The following CCSER1 variants were observed in gnomAD, a reference collection of about 807,000 sequenced individuals.
CCSER1 encodes the protein coiled-coil serine rich protein 1.
A neutral mutation model predicts 82.0 loss-of-function variants in CCSER1; 41 were observed. The ratio of observed to expected loss-of-function variants is 0.50; its 90% CI spans 0.39 to 0.65. The LOEUF (loss-of-function observed/expected upper bound fraction) is 0.65. CCSER1 is among the 30% of genes least tolerant of loss of function. The pLI, the probability that CCSER1 is intolerant of heterozygous loss-of-function variation, is 0.00. For missense variants in CCSER1, 1,119 were observed against 1,064.2 expected (o/e 1.05, Z -0.72); for synonymous variants, 414 against 383.9 (o/e 1.08, Z -0.92).
At chr4:91,538,698 C>CATATATTATATATATATAATATAT in intron 10 of CCSER1, among the ~76,000 whole-genome samples, 3 of 138,340 alleles carry the variant, frequency 2.2e-5, no homozygotes, top group African/African-American at 8.3e-5. Context: ...TATATATACA[C>CATATATTATATATATATAATATAT]ATATATATAT....
At chr4:91,034,537 T>A (rs1351421283) in intron 9 of CCSER1, among the ~76,000 whole-genome samples, 1 of 111,182 alleles carries the variant, frequency 9.0e-6, no homozygotes, top group Non-Finnish European at 2.1e-5. Flanking sequence ...ACTAAAAATT[T>A]CATACACCCC....
chr4:90,695,054 T>TA (rs1560959754), intron 6 of CCSER1, among the ~76,000 whole-genome samples: 21 of 141,910 alleles, frequency 1.5e-4, no homozygotes, highest in African/African-American at 5.1e-4. Context: ...GTATATATAT[T>TA]TATTTATATT....
chr4:90,611,028 C>T (rs529173444), intron 5 of CCSER1, among the ~76,000 whole-genome samples: 2 of 149,814 alleles, frequency 1.3e-5, no homozygotes, highest in South Asian at 4.2e-4. Context: ...CAGGCGCCCG[C>T]CACCATGCCT....
At chr4:91,343,852 T>G (rs1747881225) in intron 10 of CCSER1, among the ~76,000 whole-genome samples, 1 of 152,184 alleles carries the variant, frequency 6.6e-6, no homozygotes. Flanking sequence ...TAGCAAGTGG[T>G]ACTGGTTTTC....
chr4:90,623,235 C>T (rs143518926), intron 5 of CCSER1, among the ~76,000 whole-genome samples: 22 of 151,828 alleles, frequency 1.4e-4, no homozygotes, highest in African/African-American at 5.3e-4. Flanking sequence ...AGGGTTTCAG[C>T]GTGTTAACCT....
chr4:90,396,976 T>A (rs972787158), intron 3 of CCSER1, among the ~76,000 whole-genome samples: 1 of 148,254 alleles, frequency 6.7e-6, no homozygotes, highest in African/African-American at 2.6e-5. Context: ...CTGTTGCTGC[T>A]ATTGGTGTCT....
At chr4:90,702,517 C>A (rs554665689) in intron 6 of CCSER1, among the ~76,000 whole-genome samples, 2 of 152,154 alleles carry the variant, frequency 1.3e-5, no homozygotes, top group Non-Finnish European at 2.9e-5. Context: ...CCCTCCTTTT[C>A]TATTGATTGG....
In CCSER1 at chr4:91,468,759, A is replaced by G. The variant is rs1757092681; in HGVS notation, c.2218-129813A>G. Among the ~76,000 whole-genome samples, 4 of 151,972 alleles carry G rather than the reference A, an allele frequency of 2.6e-5. No individual in the cohort carries two copies. In the South Asian group the frequency reaches 6.2e-4, roughly 24 times the overall value. On this transcript the variant is annotated intron_variant, in intron 10 of 10. Coordinates refer to ENST00000509176, the MANE Select transcript of CCSER1 (RefSeq NM_001145065.2). ...TGATCCTATAACTGAAAAAGAATTA[A>G]TCAGTTTACTTGGGAGAGGTGCAAT...
chr4:90,617,172 T>C (rs1157825565), intron 5 of CCSER1, among the ~76,000 whole-genome samples: 3 of 152,164 alleles, frequency 2.0e-5, no homozygotes, highest in Non-Finnish European at 4.4e-5. Context: ...TAAAACAACG[T>C]AGTACGATTA....
intron 3 of CCSER1, among the ~76,000 whole-genome samples, chr4:90,325,414 T>G (rs549803363): frequency 6.6e-6 from 1 of 152,324 alleles, no homozygotes; most frequent in Non-Finnish European, 1.5e-5. Context: ...CCCTTTAAAA[T>G]TAAGAAGTTA....
chr4:90,682,077 G>A (rs897513493), intron 6 of CCSER1, among the ~76,000 whole-genome samples: 4 of 151,714 alleles, frequency 2.6e-5, no homozygotes, highest in Admixed American at 6.6e-5. Flanking sequence ...CAAGTGTGAA[G>A]CAAGCTTTCT....
intron 8 of CCSER1, among the ~76,000 whole-genome samples, chr4:90,902,700 G>C (rs1724836765): frequency 6.6e-6 from 1 of 152,038 alleles, no homozygotes. Flanking sequence ...TTATGGACTA[G>C]CAGTGAGCCC....
At chr4:91,158,521 T>C (rs1439542861) in intron 10 of CCSER1, among the ~76,000 whole-genome samples, 2 of 152,130 alleles carry the variant, frequency 1.3e-5, no homozygotes, top group Middle Eastern at 3.4e-3. Context: ...CTCTACTGTA[T>C]GGCGCATAGT....
chr4:90,764,435 A>T (rs2149532185), intron 7 of CCSER1, among the ~76,000 whole-genome samples: 1 of 152,310 alleles, frequency 6.6e-6, no homozygotes, highest in Non-Finnish European at 1.5e-5. Flanking sequence ...GACTGAATTT[A>T]TGGAATGCAC....
chr4:90,504,044 AT>A (rs1770330927), intron 5 of CCSER1, among the ~76,000 whole-genome samples: 1 of 151,770 alleles, frequency 6.6e-6, no homozygotes, highest in African/African-American at 2.4e-5. Context: ...TAACCTTTGC[AT>A]TTTTCTTTCC....
At chr4:91,193,473 G>A (rs1735165681) in intron 10 of CCSER1, among the ~76,000 whole-genome samples, 1 of 152,104 alleles carries the variant, frequency 6.6e-6, no homozygotes, top group Admixed American at 6.5e-5. Context: ...TCCTAGCTGT[G>A]CACTCTGTTA....
intron 5 of CCSER1, among the ~76,000 whole-genome samples, chr4:90,626,990 T>G (rs1328557389): frequency 6.6e-6 from 1 of 152,208 alleles, no homozygotes; most frequent in East Asian, 1.9e-4. Flanking sequence ...CATCTACCTC[T>G]TGAAGTTGTT....
Position 90,723,968 on chromosome 4 carries a change from A to G in CCSER1, c.1987A>G (p.Thr663Ala). 1 of 1,579,242 alleles carries G rather than the reference A, an allele frequency of 6.3e-7. No individual in the cohort carries two copies. The highest frequency in any genetic ancestry group is 8.6e-7 in the Non-Finnish European group (1 of 1,160,392). ...STTSLPVSPL[T>A]EEPVPFKDIM... ...CACGTCACTTCCTGTTAGTCCTCTT[A>G]CTGAAGAGCCAGTGCCTTTCAAGGT... Residue 663 changes from threonine (T) to alanine (A), a missense_variant, in exon 7 of 11, where the codon ACT (threonine) becomes GCT (alanine). By Grantham distance (58) the Thr-to-Ala change is moderately conservative. Coordinates refer to ENST00000509176, the MANE Select transcript of CCSER1 (RefSeq NM_001145065.2).
intron 10 of CCSER1, among the ~76,000 whole-genome samples, chr4:91,535,113 GCAT>G (rs1389065621): frequency 6.6e-6 from 1 of 151,784 alleles, no homozygotes; most frequent in Non-Finnish European, 1.5e-5. Context: ...GAGGATTTTA[GCAT>G]CATTATTGGA....
Sources: allele counts gnomAD v4.1 joint callset (sites outside exome capture counted in the v4.1 genomes callset), GRCh38; gene constraint gnomAD v4.1.1; transcripts MANE v1.5; gene names NCBI Gene and HGNC (gene_info 2026-07-23, HGNC 2026-07-21).